Variants in PAIP2B observed in about 807,000 individuals in gnomAD.
PAIP2B encodes the protein poly(A) binding protein interacting protein 2B.
Under a neutral mutation model 17.0 loss-of-function variants are expected in PAIP2B, and 13 were observed. The observed-to-expected ratio is 0.76, with a 90% CI of 0.50 to 1.22. The LOEUF (loss-of-function observed/expected upper bound fraction) is 1.22, where lower values mean the gene tolerates loss of function less well. PAIP2B is among the 50% of genes most tolerant of loss of function. The pLI, the probability that PAIP2B is intolerant of heterozygous loss-of-function variation, is 0.00. For synonymous variants in PAIP2B, 43 were observed against 48.7 expected (o/e 0.88, Z 0.48); for missense variants, 117 against 144.5 (o/e 0.81, Z 0.98).
At position 71,185,729 on chromosome 2, in the gene PAIP2B, C is replaced by T. The variant is rs531563627; in HGVS notation, c.*2750G>A. The T allele has an allele frequency of 2.6e-5, 4 of 151,868 alleles. No individual in the cohort carries two copies. The South Asian group carries it at 6.2e-4, about 24-fold the overall frequency. The allele number at this position is 151,868 out of a possible 1,614,324, so 9.4% of individuals were successfully genotyped here. On this transcript the variant is annotated 3_prime_UTR_variant, in exon 4 of 4. Coordinates refer to ENST00000244221, the MANE Select transcript of PAIP2B (RefSeq NM_020459.1). ...TTATTGTCAGAAACTGGCCCAAAGA[C>T]CCAGGGCTGCATTTGCCCAGGCCTA...
chr2:71,188,557 A>G, intron 3 of PAIP2B, 22 bp from the exon 4 acceptor site: 1 of 1,589,024 alleles, frequency 6.3e-7, no homozygotes, highest in Non-Finnish European at 8.6e-7. Context: ...ACCAAGAGAT[A>G]GTAAATCCTA....
chr2:71,198,182 T>G (rs1226084587), intron 2 of PAIP2B, among the ~76,000 whole-genome samples: 1 of 152,174 alleles, frequency 6.6e-6, no homozygotes, highest in African/African-American at 2.4e-5. Flanking sequence ...TGCAGTGATG[T>G]GATCTCAGCT....
chr2:71,224,256 T>A (rs1260462861), intron 1 of PAIP2B, among the ~76,000 whole-genome samples: 2 of 152,240 alleles, frequency 1.3e-5, no homozygotes, highest in Admixed American at 1.3e-4. Context: ...GTACTTCCTT[T>A]ATTTTTTGTA....
chr2:71,201,386 C>CTT (rs375101568), intron 2 of PAIP2B, among the ~76,000 whole-genome samples: 44 of 144,032 alleles, frequency 3.1e-4, no homozygotes, highest in East Asian at 1.2e-3. Context: ...AGTTCTTAAT[C>CTT]TTTTTTTTTT....
In PAIP2B at chr2:71,199,542, CT is replaced by C. The variant is rs1018436184; in HGVS notation, c.138+2909del. On this transcript the variant is annotated intron_variant, in intron 2 of 3. Coordinates refer to ENST00000244221, the MANE Select transcript of PAIP2B (RefSeq NM_020459.1). ...AAGTTGCATATAATTACACTTCTCC[CT>C]TTTTTTCCCCCTTAACCCAACTGCG... Among the ~76,000 whole-genome samples the C allele has an allele frequency of 4.6e-5, 7 of 151,478 alleles. No individual in the cohort carries two copies. The South Asian group carries it at 1.3e-3, about 27-fold the overall frequency.
chr2:71,189,260 G>A lies in PAIP2B; in HGVS notation c.315+585C>T, dbSNP rs564370384. On this transcript the variant is annotated intron_variant, in intron 3 of 3. Coordinates refer to ENST00000244221, the MANE Select transcript of PAIP2B (RefSeq NM_020459.1). ...ACTCCAGACCTCAGGTGATCCACCC[G>A]CCTCAGCCTCCCAAAGTGCTGGGAT... Among the ~76,000 whole-genome samples the A allele has an allele frequency of 9.9e-5, 15 of 152,122 alleles. 1 individual carries two copies. In the South Asian group the frequency reaches 2.7e-3, roughly 27 times the overall value.
At chr2:71,222,645 A>G in intron 1 of PAIP2B, among the ~76,000 whole-genome samples, 1 of 152,200 alleles carries the variant, frequency 6.6e-6, no homozygotes, top group East Asian at 1.9e-4. Flanking sequence ...ACCAAAGCTG[A>G]TATGTGTGTG....
Position 71,188,415 on chromosome 2 carries a change from C to A in PAIP2B, c.*64G>T, listed in dbSNP as rs1674597933. On this transcript the variant is annotated 3_prime_UTR_variant, in exon 4 of 4. Coordinates refer to ENST00000244221, the MANE Select transcript of PAIP2B (RefSeq NM_020459.1). ...CGCCCCATCCCCCTCTTCAGCTCCA[C>A]CATTTTGTGCATTACTATCCCCAGA... 2 of 1,439,976 alleles carry A rather than the reference C, an allele frequency of 1.4e-6. No homozygotes were observed. Among genetic ancestry groups the A allele is most frequent in the Admixed American group, 1.9e-5 (1 of 52,194 alleles). The allele number at this position is 1,439,976 out of a possible 1,614,324, so 89.2% of individuals were successfully genotyped here.
At position 71,189,837 on chromosome 2, in the gene PAIP2B, G is replaced by T; in HGVS notation, c.315+8C>A. The T allele has an allele frequency of 6.5e-7, 1 of 1,547,658 alleles. No individual in the cohort carries two copies. Among genetic ancestry groups the T allele is most frequent in the African/African-American group, 1.4e-5 (1 of 73,036 alleles). The stretch of plus-strand genomic sequence containing the variant: ...TACATAACCTGGGGAACTACATATG[G>T]CTCTTACCAAAATATCTTCAGAATC... On this transcript the variant is annotated splice_region_variant and intron_variant, in intron 3 of 3. Coordinates refer to ENST00000244221, the MANE Select transcript of PAIP2B (RefSeq NM_020459.1).
At chr2:71,226,415 C>T (rs948021524) in intron 1 of PAIP2B, among the ~76,000 whole-genome samples, 2 of 152,104 alleles carry the variant, frequency 1.3e-5, no homozygotes, top group African/African-American at 4.8e-5. Context: ...AGAATGAGGG[C>T]TGGAGTCAAG....
intron 1 of PAIP2B, among the ~76,000 whole-genome samples, chr2:71,211,159 C>T (rs1485988970): frequency 2.6e-5 from 4 of 151,332 alleles, no homozygotes; most frequent in Admixed American, 1.3e-4. Flanking sequence ...GGGGGTGAAG[C>T]GAGGCAGGAT....
chr2:71,223,782 CTGAA>C (rs1242399097), intron 1 of PAIP2B, among the ~76,000 whole-genome samples: 3 of 152,208 alleles, frequency 2.0e-5, no homozygotes, highest in Non-Finnish European at 2.9e-5. Context: ...AATGAACAAA[CTGAA>C]TGAATGAATA....
intron 2 of PAIP2B, among the ~76,000 whole-genome samples, chr2:71,196,799 G>A (rs1234382050): frequency 6.6e-6 from 1 of 151,914 alleles, no homozygotes; most frequent in African/African-American, 2.4e-5. Flanking sequence ...ATCTTTGTTG[G>A]TTTAAAATCT....
Position 71,186,025 on chromosome 2 carries a change from T to C in PAIP2B, c.*2454A>G, listed in dbSNP as rs548005991. On this transcript the variant is annotated 3_prime_UTR_variant, in exon 4 of 4. Transcript: ENST00000244221. Reference sequence around the variant, plus strand: ...ATTTAAAAAAGTTTAAACAAAGTAGTGGCTTAAATTCAACATCAAAATTAC... The same window carrying C: ...ATTTAAAAAAGTTTAAACAAAGTAGCGGCTTAAATTCAACATCAAAATTAC... The C allele has an allele frequency of 3.9e-5, 6 of 152,330 alleles. No individual in the cohort carries two copies. The East Asian group carries it at 1.2e-3, about 29-fold the overall frequency. The allele number at this position is 152,330 out of a possible 1,614,324, so 9.4% of individuals were successfully genotyped here.
At chr2:71,200,151 G>C (rs1674942309) in intron 2 of PAIP2B, among the ~76,000 whole-genome samples, 1 of 152,160 alleles carries the variant, frequency 6.6e-6, no homozygotes, top group Admixed American at 6.5e-5. Context: ...TAGAAAGTCA[G>C]AAGACATTGT....
At chr2:71,220,459 G>A (rs1286119915) in intron 1 of PAIP2B, among the ~76,000 whole-genome samples, 1 of 152,180 alleles carries the variant, frequency 6.6e-6, no homozygotes, top group Non-Finnish European at 1.5e-5. Flanking sequence ...CAGTATGGTG[G>A]ATCTGTGGAG....
chr2:71,226,426 G>A (rs938449047), intron 1 of PAIP2B, among the ~76,000 whole-genome samples: 1 of 152,216 alleles, frequency 6.6e-6, no homozygotes, highest in African/African-American at 2.4e-5. Flanking sequence ...TGGAGTCAAG[G>A]GGGAGATGGA....
intron 2 of PAIP2B, among the ~76,000 whole-genome samples, chr2:71,194,487 GT>G (rs879506636): frequency 0.053 from 7,880 of 148,788 alleles, 829 homozygotes; most frequent in East Asian, 0.52. Flanking sequence ...GTGTGTGTGT[GT>G]GTGTGGCAAC....
chr2:71,194,475 G>GTGTA (rs1674766165), intron 2 of PAIP2B, among the ~76,000 whole-genome samples: 1 of 151,658 alleles, frequency 6.6e-6, no homozygotes, highest in Non-Finnish European at 1.5e-5. Flanking sequence ...GTGTGTGTGT[G>GTGTA]TGTGTGTGTG....
Sources: allele counts gnomAD v4.1 joint callset (sites outside exome capture counted in the v4.1 genomes callset), GRCh38; gene constraint gnomAD v4.1.1; transcripts MANE v1.5; gene names NCBI Gene and HGNC (gene_info 2026-07-23, HGNC 2026-07-21).